UBE2H: variants seen among roughly 807,000 people sequenced by gnomAD.
UBE2H encodes the protein ubiquitin-conjugating enzyme E2 H.
A neutral mutation model predicts 29.0 loss-of-function variants in UBE2H; 3 were observed. That is an observed-to-expected ratio of 0.10 (90% CI 0.05 to 0.27). The LOEUF is 0.27. Among genes scored for constraint, UBE2H ranks in the 10% least tolerant of loss-of-function variants. The probability of loss-of-function intolerance (pLI) is 1.00; values close to 1 mark genes in which losing one functional copy is unlikely to be tolerated. For missense variants in UBE2H, 68 were observed against 228.2 expected, an observed-to-expected ratio of 0.30 and a Z score of 4.52; for synonymous variants, 69 against 82.9, an observed-to-expected ratio of 0.83 and a Z score of 0.91.
At chr7:129,933,341 G>T (rs1165409461) in intron 1 of UBE2H, among the ~76,000 whole-genome samples, 1 of 152,152 alleles carries the variant, frequency 6.6e-6, no homozygotes, top group African/African-American at 2.4e-5. Flanking sequence ...TTCTAAATTT[G>T]TAAGGAGGAA....
At chr7:129,891,076 C>A (rs1055648188) in intron 1 of UBE2H, among the ~76,000 whole-genome samples, 2 of 150,902 alleles carry the variant, frequency 1.3e-5, no homozygotes, top group African/African-American at 4.9e-5. Flanking sequence ...GTGGAGGTTG[C>A]GGTGAGCCGA....
At chr7:129,845,991 C>T (rs1309750537) in intron 5 of UBE2H, among the ~76,000 whole-genome samples, 1 of 152,128 alleles carries the variant, frequency 6.6e-6, no homozygotes, top group Non-Finnish European at 1.5e-5. Context: ...CTACCTGTAT[C>T]CCTTAAAGAA....
At chr7:129,904,871 A>C (rs1355547990) in intron 1 of UBE2H, among the ~76,000 whole-genome samples, 1 of 152,220 alleles carries the variant, frequency 6.6e-6, no homozygotes, top group Admixed American at 6.5e-5. Context: ...AGGCACACTG[A>C]AGGTGCTCCT....
chr7:129,911,772 T>C (rs992803281), intron 1 of UBE2H, among the ~76,000 whole-genome samples: 1 of 152,034 alleles, frequency 6.6e-6, no homozygotes, highest in Non-Finnish European at 1.5e-5. Context: ...CGAGTAGCTA[T>C]GGGACTACAG....
chr7:129,936,090 C>T (rs2116505905), intron 1 of UBE2H, among the ~76,000 whole-genome samples: 1 of 152,314 alleles, frequency 6.6e-6, no homozygotes, highest in East Asian at 1.9e-4. Context: ...AAATCTATGA[C>T]TCTAATACCT....
At chr7:129,905,651 G>A (rs1191001400) in intron 1 of UBE2H, among the ~76,000 whole-genome samples, 1 of 152,148 alleles carries the variant, frequency 6.6e-6, no homozygotes. Flanking sequence ...AAATGTTTGA[G>A]GTGAACCTCA....
chr7:129,889,561 C>T (rs957658101), intron 1 of UBE2H, among the ~76,000 whole-genome samples: 1 of 152,224 alleles, frequency 6.6e-6, no homozygotes, highest in Non-Finnish European at 1.5e-5. Context: ...CAACCACTTA[C>T]TCCTAACATT....
In UBE2H at chr7:129,857,493, T is replaced by G; in HGVS notation, c.298+18A>C. 1.2e-6 allele frequency: 2 copies of G among 1,602,350 alleles called. No homozygotes were observed. The highest frequency in any genetic ancestry group is 3.3e-4 in the Middle Eastern group (2 of 6,034). On this transcript the variant is annotated intron_variant, in intron 5 of 6. Coordinates refer to ENST00000355621, the MANE Select transcript of UBE2H (RefSeq NM_003344.4). ...AATGTCTCAACATCTCCAAAAAATA[T>G]TCCATGGCCAAACTCACCATAGAGA...
At chr7:129,906,982 A>G (rs1563041951) in intron 1 of UBE2H, among the ~76,000 whole-genome samples, 1 of 152,240 alleles carries the variant, frequency 6.6e-6, no homozygotes, top group Non-Finnish European at 1.5e-5. Context: ...CTACACATCT[A>G]TGCTCTGGGA....
intron 2 of UBE2H, among the ~76,000 whole-genome samples, chr7:129,879,959 C>T (rs1382755225): frequency 6.6e-6 from 1 of 152,056 alleles, no homozygotes; most frequent in East Asian, 1.9e-4. Context: ...CCATATTCAT[C>T]CCCCCTCCAA....
rs1188741314 is a variant in UBE2H, at chr7:129,833,553, A to G, written c.*1384T>C. 1.3e-5 allele frequency: 2 copies of G among 152,178 alleles called. No individual in the cohort carries two copies. The highest frequency in any genetic ancestry group is 4.8e-5 in the African/African-American group (2 of 41,446). The allele number at this position is 152,178 out of a possible 1,614,324, so 9.4% of individuals were successfully genotyped here. A position where few individuals can be genotyped will look rare whatever the true frequency, so the allele number is the denominator to read the frequency against. On this transcript the variant is annotated 3_prime_UTR_variant, in exon 7 of 7. Coordinates refer to ENST00000355621, the MANE Select transcript of UBE2H (RefSeq NM_003344.4). ...ATATGGTTAGCTGAGTCGACATTTG[A>G]TTAGCAGGCATTTTAAACTGATTTC...
intron 1 of UBE2H, among the ~76,000 whole-genome samples, chr7:129,921,486 T>C (rs568187745): frequency 6.6e-6 from 1 of 152,060 alleles, no homozygotes; most frequent in Admixed American, 6.6e-5. Flanking sequence ...TGACTTGAGG[T>C]CAGGCGTTCA....
At chr7:129,931,853 T>TTTTA (rs1807408457) in intron 1 of UBE2H, among the ~76,000 whole-genome samples, 1 of 150,524 alleles carries the variant, frequency 6.6e-6, no homozygotes. Context: ...TTTTTTTTTT[T>TTTTA]GAGACGGAGT....
intron 3 of UBE2H, among the ~76,000 whole-genome samples, chr7:129,861,902 C>T (rs1434443958): frequency 1.3e-5 from 2 of 152,144 alleles, no homozygotes; most frequent in Non-Finnish European, 2.9e-5. Flanking sequence ...AAAAGTTATA[C>T]ATAGTATCAA....
At chr7:129,935,019 GTA>G (rs1191332910) in intron 1 of UBE2H, among the ~76,000 whole-genome samples, 43 of 149,310 alleles carry the variant, frequency 2.9e-4, no homozygotes, top group Admixed American at 6.7e-4. Flanking sequence ...GTGTGTGTGT[GTA>G]TATATATATA....
intron 6 of UBE2H, 116 bp downstream of exon 6, chr7:129,839,091 T>C: frequency 6.8e-7 from 1 of 1,471,184 alleles, no homozygotes; most frequent in East Asian, 2.4e-5. Flanking sequence ...CAGCTGTCTC[T>C]TTTTAGGCCT....
intron 1 of UBE2H, among the ~76,000 whole-genome samples, chr7:129,908,188 T>C (rs1450701889): frequency 1.3e-5 from 2 of 152,190 alleles, no homozygotes. Flanking sequence ...TATCTTAATC[T>C]TACCAGCAGT....
chr7:129,901,139 A>G (rs957720211), intron 1 of UBE2H, among the ~76,000 whole-genome samples: 4 of 152,204 alleles, frequency 2.6e-5, no homozygotes, highest in Non-Finnish European at 5.9e-5. Flanking sequence ...TCTATCCTTA[A>G]TTTGTTCCTC....
At chr7:129,848,694 T>G (rs147507534) in intron 5 of UBE2H, among the ~76,000 whole-genome samples, 2 of 152,236 alleles carry the variant, frequency 1.3e-5, no homozygotes, top group Non-Finnish European at 1.5e-5. Context: ...AGGAACTGTA[T>G]TGAATTCGTC....
Sources: gnomAD v4.1 joint callset for allele counts (sites outside exome capture counted in the v4.1 genomes callset) on GRCh38, gnomAD v4.1.1 for gene constraint, MANE v1.5 for transcripts, NCBI Gene and HGNC (gene_info 2026-07-23, HGNC 2026-07-21) for gene names.